The following GIGYF2 variants were observed in gnomAD, a reference collection of about 807,000 sequenced individuals.
GIGYF2 encodes the protein GRB10 interacting GYF protein 2, also known as GRB10-interacting GYF protein 2.
A neutral mutation model predicts 208.1 loss-of-function variants in GIGYF2; 25 were observed. That is an observed-to-expected ratio of 0.12 (90% confidence interval 0.09 to 0.17). The LOEUF is 0.17. Among genes scored for constraint, GIGYF2 ranks in the 10% least tolerant of loss-of-function variants. The pLI, the probability that GIGYF2 is intolerant of heterozygous loss-of-function variation, is 1.00. For missense variants in GIGYF2, 1,302 were observed against 1,579.4 expected, an observed-to-expected ratio of 0.82 and a Z score of 2.98; for synonymous variants, 534 against 543.8, an observed-to-expected ratio of 0.98 and a Z score of 0.25.
chr2:232,840,261 G>A (rs1386536437), intron 23 of GIGYF2, among the ~76,000 whole-genome samples: 1 of 152,158 alleles, frequency 6.6e-6, no homozygotes, highest in African/African-American at 2.4e-5. Flanking sequence ...CAAAATTGTG[G>A]GTGAGTTGTG....
In GIGYF2 at chr2:232,813,019, A is replaced by G. The variant is rs1029313412; in HGVS notation, c.2107+528A>G. ...CTAAGAAAGAAAAAAAAAAAAAGTA[A>G]TTGGTGTTAACAAACACTGTAGGTA... is the stretch of plus-strand genomic sequence containing the variant. On this transcript the variant is annotated intron_variant, in intron 18 of 28. Coordinates refer to ENST00000373563, the MANE Select transcript of GIGYF2 (RefSeq NM_001103146.3). 1.2e-4 allele frequency among the ~76,000 whole-genome samples: 19 copies of G among 152,154 alleles called. No individual in the cohort carries two copies. In the East Asian group the frequency reaches 3.7e-3, roughly 29 times the overall value.
intron 8 of GIGYF2, among the ~76,000 whole-genome samples, chr2:232,777,613 T>TC (rs3214757): frequency 0.12 from 16,132 of 130,762 alleles, 1,119 homozygotes; most frequent in East Asian, 0.37. Context: ...ATCCTCTCCG[T>TC]CCCCCCCCCG....
chr2:232,854,953 A>G (rs1690494086), intron 28 of GIGYF2, among the ~76,000 whole-genome samples: 2 of 152,136 alleles, frequency 1.3e-5, no homozygotes, highest in East Asian at 1.9e-4. Context: ...ATTTTTGGGG[A>G]GTCACTCAGT....
chr2:232,724,527 T>G (rs923726313), intron 2 of GIGYF2: 6 of 151,962 alleles, frequency 3.9e-5, no homozygotes, highest in Non-Finnish European at 8.8e-5. Flanking sequence ...TTTCAGTCTT[T>G]CTCTTTTTTG....
Position 232,832,804 on chromosome 2 carries a change from T to G in GIGYF2, c.2530-53T>G, listed in dbSNP as rs1701462860. 4 of 1,339,158 alleles carry G rather than the reference T, an allele frequency of 3.0e-6. No homozygotes were observed. In the South Asian group the frequency reaches 5.2e-5, roughly 17 times the overall value. The allele number at this position is 1,339,158 out of a possible 1,614,324, so 83.0% of individuals were successfully genotyped here. On this transcript the variant is annotated intron_variant, in intron 21 of 28. Coordinates refer to ENST00000373563, the MANE Select transcript of GIGYF2 (RefSeq NM_001103146.3). ...AAGCTTTCAAAAGTGAGTCAGATTT[T>G]TCCCCCCACAATTAATAAAATTTTT...
intron 18 of GIGYF2, among the ~76,000 whole-genome samples, chr2:232,813,028 A>G (rs1270774043): frequency 6.6e-6 from 1 of 152,016 alleles, no homozygotes; most frequent in Non-Finnish European, 1.5e-5. Flanking sequence ...AATTGGTGTT[A>G]ACAAACACTG....
intron 23 of GIGYF2, among the ~76,000 whole-genome samples, chr2:232,843,293 C>G (rs1428381124): frequency 6.6e-6 from 1 of 151,950 alleles, no homozygotes; most frequent in Non-Finnish European, 1.5e-5. Flanking sequence ...GGCTCGGTGG[C>G]TCACTCCTGT....
In GIGYF2 at chr2:232,847,585, T is replaced by G. The variant is rs777517962; in HGVS notation, c.3684+14T>G. On this transcript the variant is annotated intron_variant, in intron 27 of 28. Coordinates refer to ENST00000373563, the MANE Select transcript of GIGYF2 (RefSeq NM_001103146.3). ...CCACAACAGCAGGTATAAAGTAGTG[T>G]GGTGTATGCGGTACCTCTGAGGATT... The G allele has an allele frequency of 1.2e-6, 2 of 1,612,128 alleles. No individual in the cohort carries two copies. Among genetic ancestry groups the G allele is most frequent in the South Asian group, 2.2e-5 (2 of 91,002 alleles).
intron 23 of GIGYF2, among the ~76,000 whole-genome samples, chr2:232,840,994 T>TC (rs1007713913): frequency 1.3e-5 from 2 of 152,050 alleles, no homozygotes; most frequent in Non-Finnish European, 2.9e-5. Flanking sequence ...GTTTACCAGG[T>TC]AGTGTGCTTG....
chr2:232,830,674 C>T (rs938052291), intron 21 of GIGYF2, among the ~76,000 whole-genome samples: 1 of 151,900 alleles, frequency 6.6e-6, no homozygotes, highest in Non-Finnish European at 1.5e-5. Flanking sequence ...TTTTCTGTTC[C>T]AGGATTCCAT....
intron 20 of GIGYF2, among the ~76,000 whole-genome samples, chr2:232,819,384 T>G (rs1489730000): frequency 6.6e-6 from 1 of 152,192 alleles, no homozygotes; most frequent in Non-Finnish European, 1.5e-5. Context: ...ATGGCTTTAC[T>G]CATTACTTCT....
chr2:232,730,195 C>G, intron 2 of GIGYF2: 8 of 1,392,506 alleles, frequency 5.7e-6, no homozygotes, highest in Non-Finnish European at 8.1e-6. Context: ...TCTCTGAAAT[C>G]CATGGCATCA....
Position 232,768,687 on chromosome 2 carries a change from G to A in GIGYF2, c.532+7251G>A. 6.2e-7 allele frequency: 1 copy of A among 1,608,110 alleles called. No homozygotes were observed. Among genetic ancestry groups the A allele is most frequent in the Non-Finnish European group, 8.5e-7 (1 of 1,175,234 alleles). On this transcript the variant is annotated intron_variant, in intron 8 of 28. Transcript: ENST00000373563. Reference sequence around the variant, plus strand: ...GACCCGGACACTGGTTAGAGGGCTAGGTCGGGTGTTGGCCACTTGGAAGAT... The same window carrying A: ...GACCCGGACACTGGTTAGAGGGCTAAGTCGGGTGTTGGCCACTTGGAAGAT...
chr2:232,718,032 A>G (rs1274932202), intron 2 of GIGYF2, among the ~76,000 whole-genome samples: 1 of 152,104 alleles, frequency 6.6e-6, no homozygotes, highest in East Asian at 1.9e-4. Context: ...GTTTTTCTAA[A>G]CATGATATCT....
chr2:232,759,101 G>T (rs1442968977), intron 6 of GIGYF2, among the ~76,000 whole-genome samples: 64 of 152,196 alleles, frequency 4.2e-4, no homozygotes, highest in African/African-American at 1.5e-3. Flanking sequence ...AAATAATTTG[G>T]TGCATTATTT....
intron 27 of GIGYF2, among the ~76,000 whole-genome samples, chr2:232,848,115 CAA>C (rs926160425): frequency 3.9e-5 from 6 of 152,300 alleles, no homozygotes; most frequent in Non-Finnish European, 5.9e-5. Context: ...CTTCTAGTCA[CAA>C]TATTTTTCTC....
intron 3 of GIGYF2, among the ~76,000 whole-genome samples, chr2:232,738,432 A>G (rs1697832108): frequency 6.6e-6 from 1 of 151,658 alleles, no homozygotes. Context: ...AATCTATATA[A>G]CCCTCCACCC....
chr2:232,711,254 C>CTT (rs34701447), intron 2 of GIGYF2, among the ~76,000 whole-genome samples: 5 of 124,910 alleles, frequency 4.0e-5, no homozygotes, highest in Non-Finnish European at 6.7e-5. Context: ...CCTGGCTAAT[C>CTT]TTTTTTTTTT....
intron 22 of GIGYF2, among the ~76,000 whole-genome samples, chr2:232,837,089 G>C (rs1701662899): frequency 6.6e-6 from 1 of 152,234 alleles, no homozygotes; most frequent in Non-Finnish European, 1.5e-5. Context: ...CGACCCTAGT[G>C]TTGGTGTTGC....
Sources: allele counts gnomAD v4.1 joint callset (sites outside exome capture counted in the v4.1 genomes callset), GRCh38; gene constraint gnomAD v4.1.1; transcripts MANE v1.5; gene names NCBI Gene and HGNC (gene_info 2026-07-23, HGNC 2026-07-21).